The following SLC8A1 variants were observed in gnomAD, a reference collection of about 807,000 sequenced individuals.
The protein encoded by SLC8A1 is solute carrier family 8 member A1.
A neutral mutation model predicts 68.3 loss-of-function variants in SLC8A1; 18 were observed. That is an observed-to-expected ratio of 0.26 (90% CI 0.18 to 0.39). The LOEUF (loss-of-function observed/expected upper bound fraction) is 0.39, where lower values mean the gene tolerates loss of function less well. SLC8A1 is among the 10% of genes least tolerant of loss of function. SLC8A1 has a pLI of 1.00. For missense variants in SLC8A1, 985 were observed against 1,156.7 expected (o/e 0.85, Z 2.15); for synonymous variants, 475 against 415.5 (o/e 1.14, Z -1.74).
chr2:40,481,026 T>G (rs556979434), intron 1 of SLC8A1, among the ~76,000 whole-genome samples: 1 of 152,292 alleles, frequency 6.6e-6, no homozygotes, highest in South Asian at 2.1e-4. Context: ...GAGGAGTATA[T>G]TATTTGACCT....
At chr2:40,510,841 C>A (rs2149947592) in intron 1 of SLC8A1, among the ~76,000 whole-genome samples, 1 of 152,166 alleles carries the variant, frequency 6.6e-6, no homozygotes, top group South Asian at 2.1e-4. Context: ...TGGAAACAAT[C>A]CCTTAGTATT....
chr2:40,123,547 A>G (rs757438784), intron 7 of SLC8A1, among the ~76,000 whole-genome samples: 18 of 152,128 alleles, frequency 1.2e-4, no homozygotes, highest in Non-Finnish European at 2.5e-4. Context: ...TTGATTCCTT[A>G]AATTCTTGGC....
chr2:40,283,846 G>C (rs2067865763), intron 2 of SLC8A1, among the ~76,000 whole-genome samples: 2 of 152,150 alleles, frequency 1.3e-5, no homozygotes, highest in Non-Finnish European at 2.9e-5. Context: ...GGAGAATAGA[G>C]AATTGTGATC....
chr2:40,396,748 TAAAAAAAAAAAA>T (rs368483768), intron 2 of SLC8A1, among the ~76,000 whole-genome samples: 1,627 of 87,074 alleles, frequency 0.019, 24 homozygotes, highest in East Asian at 0.024. Context: ...CTCTAATAAC[TAAAAAAAAAAAA>T]AAAAAAAAAA....
intron 1 of SLC8A1, among the ~76,000 whole-genome samples, chr2:40,496,704 C>G (rs1335395387): frequency 6.6e-6 from 1 of 151,932 alleles, no homozygotes; most frequent in East Asian, 1.9e-4. Context: ...AATAAATAGA[C>G]TGCATATTTT....
intron 1 of SLC8A1, among the ~76,000 whole-genome samples, chr2:40,462,764 C>G (rs185453611): frequency 1.3e-5 from 2 of 151,804 alleles, no homozygotes; most frequent in African/African-American, 2.4e-5. Context: ...GCCCAGATTA[C>G]GCCACTGCCC....
At chr2:40,253,122 T>C (rs1261210370) in intron 2 of SLC8A1, among the ~76,000 whole-genome samples, 1 of 110,022 alleles carries the variant, frequency 9.1e-6, no homozygotes, top group African/African-American at 4.0e-5. Flanking sequence ...TGTATACATA[T>C]ATACACGTAT....
chr2:40,223,250 G>T (rs1319274863), intron 2 of SLC8A1, among the ~76,000 whole-genome samples: 2 of 152,142 alleles, frequency 1.3e-5, no homozygotes, highest in Non-Finnish European at 2.9e-5. Context: ...ACCATTCTCA[G>T]CAAACTAACA....
chr2:40,245,938 A>G (rs6728644), intron 2 of SLC8A1, among the ~76,000 whole-genome samples: 14,278 of 152,244 alleles, frequency 0.094, 704 homozygotes, highest in African/African-American at 0.11. Context: ...GAACTTGACC[A>G]AGGTTACATA....
chr2:40,416,007 C>T lies in SLC8A1; in HGVS notation c.1808+12466G>A, dbSNP rs185324694. On this transcript the variant is annotated intron_variant, in intron 2 of 7. Coordinates refer to ENST00000406785, the Ensembl canonical transcript of SLC8A1. ...AACCCGGGAGGCGGAGCTGAGATCA[C>T]GCCACTGCACTTAAGCCTGGGTGAC... Among the ~76,000 whole-genome samples the T allele has an allele frequency of 4.3e-3, 632 of 148,516 alleles. 7 individuals carry two copies. Among genetic ancestry groups the T allele is most frequent in the Non-Finnish European group, 5.5e-3 (373 of 67,518 alleles).
intron 7 of SLC8A1, chr2:40,118,621 T>G (rs2036079069): frequency 1.4e-5 from 2 of 144,946 alleles, no homozygotes; most frequent in South Asian, 2.3e-4. Flanking sequence ...TTTTTTTTTT[T>G]TTTTTTTTTT....
rs571874816 is a variant in SLC8A1 at position 40,252,780 on chromosome 2, A to G, written c.1809-74925T>C. 2.6e-5 allele frequency among the ~76,000 whole-genome samples: 4 copies of G among 151,770 alleles called. No individual in the cohort carries two copies. In the East Asian group the frequency reaches 7.7e-4, roughly 29 times the overall value. Reference sequence around the variant, plus strand: ...ATTTAATCAGAAGGTGAATGTTAGCACATATATATATGTGTGTGTATATAT... The same window carrying G: ...ATTTAATCAGAAGGTGAATGTTAGCGCATATATATATGTGTGTGTATATAT... On this transcript the variant is annotated intron_variant, in intron 2 of 7. Coordinates refer to ENST00000406785, the Ensembl canonical transcript of SLC8A1.
chr2:40,290,272 GTTTC>G (rs991955800), intron 2 of SLC8A1, among the ~76,000 whole-genome samples: 2 of 151,916 alleles, frequency 1.3e-5, no homozygotes, highest in Non-Finnish European at 2.9e-5. Context: ...AAAAAAAAAG[GTTTC>G]TTTGTTTCTT....
At chr2:40,152,491 G>A (rs2043620035) in intron 6 of SLC8A1, among the ~76,000 whole-genome samples, 1 of 152,068 alleles carries the variant, frequency 6.6e-6, no homozygotes, top group Non-Finnish European at 1.5e-5. Flanking sequence ...TGCAGCCTCT[G>A]CCTTCCAGGT....
chr2:40,224,967 G>T (rs1047922700), intron 2 of SLC8A1, among the ~76,000 whole-genome samples: 1 of 152,170 alleles, frequency 6.6e-6, no homozygotes, highest in Non-Finnish European at 1.5e-5. Flanking sequence ...TGCAGAAGGC[G>T]AGAGTAAAGT....
At chr2:40,493,914 CTCT>C (rs1244715447) in intron 1 of SLC8A1, among the ~76,000 whole-genome samples, 1 of 151,796 alleles carries the variant, frequency 6.6e-6, no homozygotes, top group Non-Finnish European at 1.5e-5. Context: ...CTCTCCTCTC[CTCT>C]TTTTTCCTTT....
At chr2:40,401,567 C>CAAAAAAAAAAAAAAAAAAAA (rs3060361) in intron 2 of SLC8A1, among the ~76,000 whole-genome samples, 1 of 94,094 alleles carries the variant, frequency 1.1e-5, no homozygotes, top group Non-Finnish European at 2.0e-5. Flanking sequence ...ATAGGCCAGT[C>CAAAAAAAAAAAAAAAAAAAA]AAAAAAAAAA....
intron 2 of SLC8A1, among the ~76,000 whole-genome samples, chr2:40,246,894 T>C (rs1313361720): frequency 1.3e-5 from 2 of 152,176 alleles, no homozygotes; most frequent in Admixed American, 1.3e-4. Context: ...GAAAACACAG[T>C]AGCTACCAGT....
chr2:40,150,300 C>T (rs1003704560), intron 6 of SLC8A1, among the ~76,000 whole-genome samples: 1 of 152,202 alleles, frequency 6.6e-6, no homozygotes, highest in African/African-American at 2.4e-5. Flanking sequence ...AGGCTGTGAA[C>T]AGCAAGAAGT....
Sources: allele counts gnomAD v4.1 joint callset (sites outside exome capture counted in the v4.1 genomes callset), GRCh38; gene constraint gnomAD v4.1.1; transcripts MANE v1.5; gene names NCBI Gene and HGNC (gene_info 2026-07-23, HGNC 2026-07-21).